Variants in TMPRSS2 observed in about 807,000 individuals in gnomAD.
TMPRSS2 encodes the protein transmembrane serine protease 2.
TMPRSS2 carries 59 observed loss-of-function variants against 67.4 expected under a neutral mutation model. That is an observed-to-expected ratio of 0.88 (90% CI 0.71 to 1.09). The LOEUF (loss-of-function observed/expected upper bound fraction) is 1.09. Among genes scored for constraint, TMPRSS2 ranks in the 50% least tolerant of loss-of-function variants. The probability of loss-of-function intolerance (pLI) is 0.00; values close to 1 mark genes in which losing one functional copy is unlikely to be tolerated. For synonymous variants in TMPRSS2, 257 were observed against 257.0 expected (o/e 1.00, Z 0.00); for missense variants, 668 against 642.7 (o/e 1.04, Z -0.43).
intron 5 of TMPRSS2, among the ~76,000 whole-genome samples, chr21:41,482,104 T>A (rs908293085): frequency 3.3e-5 from 5 of 151,992 alleles, no homozygotes; most frequent in South Asian, 2.1e-4. Flanking sequence ...TTTTTTTTTT[T>A]AAAGTGCTCT....
At chr21:41,492,262 A>G (rs1354418512) in intron 3 of TMPRSS2, among the ~76,000 whole-genome samples, 1 of 152,174 alleles carries the variant, frequency 6.6e-6, no homozygotes, top group African/African-American at 2.4e-5. Context: ...ATTTCCCTCA[A>G]TCATGACCAA....
At chr21:41,508,014 C>A in intron 1 of TMPRSS2, 67 bp downstream of exon 1, 1 of 1,353,158 alleles carries the variant, frequency 7.4e-7, no homozygotes, top group Non-Finnish European at 9.5e-7. Flanking sequence ...TCGGCGGGTC[C>A]CAGGCGCCCA....
intron 1 of TMPRSS2, among the ~76,000 whole-genome samples, chr21:41,499,187 T>C (rs1164431390): frequency 6.6e-6 from 1 of 152,188 alleles, no homozygotes; most frequent in African/African-American, 2.4e-5. Flanking sequence ...GAGCCAACCA[T>C]TTTGACCACT....
Position 41,494,598 on chromosome 21 carries a change from A to G in TMPRSS2, c.16-20T>C, listed in dbSNP as rs2091365628. 6.2e-7 allele frequency: 1 copy of G among 1,607,742 alleles called. No individual in the cohort carries two copies. Among genetic ancestry groups the G allele is most frequent in the Admixed American group, 1.7e-5 (1 of 59,630 alleles). On this transcript the variant is annotated intron_variant, in intron 2 of 13. Coordinates refer to ENST00000332149, the MANE Select transcript of TMPRSS2 (RefSeq NM_005656.4). ...TGACCCCTAAACAGTTGAAAAGAAGATGAATAATATAAAACTCTTATTTGC... is the reference window on the plus strand; with the variant it reads ...TGACCCCTAAACAGTTGAAAAGAAGGTGAATAATATAAAACTCTTATTTGC...
At position 41,467,866 on chromosome 21, in the gene TMPRSS2, C is replaced by T; in HGVS notation, c.1335G>A (p.Leu445=). ...ACCAGATATTGTTCTTCGAAGTGAC[C>T]AGAGGCCCTCCACTGTCACCCTGTG... ...DSCQGDSGGP[L]VTSKNNIWWL... The change falls in exon 13 of 14, where the codon CTG becomes CTA. Residue 445 remains leucine, a synonymous_variant. Transcript: ENST00000332149. The T allele has an allele frequency of 6.2e-7, 1 of 1,614,172 alleles. No homozygotes were observed. Among genetic ancestry groups the T allele is most frequent in the East Asian group, 2.2e-5 (1 of 44,884 alleles).
At chr21:41,475,554 GAGGT>G (rs1569014481) in intron 8 of TMPRSS2, among the ~76,000 whole-genome samples, 4 of 34,534 alleles carry the variant, frequency 1.2e-4, no homozygotes, top group African/African-American at 3.7e-4. Context: ...AGGGGGTGAG[GAGGT>G]GAGTGAGGAG....
At position 41,465,058 on chromosome 21, in the gene TMPRSS2, C is replaced by A. The variant is rs2091073822; in HGVS notation, c.*1084G>T. The A allele has an allele frequency of 4.3e-6, 1 of 233,446 alleles. No individual in the cohort carries two copies. Among genetic ancestry groups the A allele is most frequent in the Non-Finnish European group, 8.5e-6 (1 of 118,060 alleles). The allele number at this position is 233,446 out of a possible 1,614,324, so 14.5% of individuals were successfully genotyped here. On this transcript the variant is annotated 3_prime_UTR_variant, in exon 14 of 14. Coordinates refer to ENST00000332149, the MANE Select transcript of TMPRSS2 (RefSeq NM_005656.4). ...CTTCGCCGCCACCATGGGCACTTTG[C>A]TTCAGCACATTCATTTATAGAACGT...
intron 1 of TMPRSS2, among the ~76,000 whole-genome samples, chr21:41,503,124 T>A (rs1283900137): frequency 6.6e-6 from 1 of 151,678 alleles, no homozygotes; most frequent in Non-Finnish European, 1.5e-5. Context: ...CAGGAAAAAA[T>A]ATATATTTTT....
At position 41,473,420 on chromosome 21, in the gene TMPRSS2, G is replaced by A. The variant is rs1236538840; in HGVS notation, c.804C>T (p.Pro268=). The A allele has an allele frequency of 3.1e-6, 5 of 1,610,278 alleles. No homozygotes were observed. The highest frequency in any genetic ancestry group is 1.1e-5 in the South Asian group (1 of 90,562). The change falls in exon 9 of 14, where the codon CCC becomes CCT. Residue 268 remains proline (P), a synonymous_variant. Transcript: ENST00000332149. Reference sequence around the variant, plus strand: ...TCTGGACGTGCAGGCTGACCTGCCAGGGCCAGGCCCCCGGGAGCGCGCTCT... The same window carrying A: ...TCTGGACGTGCAGGCTGACCTGCCAAGGCCAGGCCCCCGGGAGCGCGCTCT... The part of the protein sequence containing the change: ...GGESALPGAW[P]WQVSLHVQNV...
rs1043991947 is a variant in TMPRSS2 at position 41,478,101 on chromosome 21, C to G, written c.683+1071G>C. On this transcript the variant is annotated intron_variant, in intron 7 of 13. Coordinates refer to ENST00000332149, the MANE Select transcript of TMPRSS2 (RefSeq NM_005656.4). The surrounding 1 kb of genome is among the most constrained non-coding windows in gnomAD (Gnocchi z 4.0). The stretch of plus-strand genomic sequence containing the variant: ...ACTCAGCATTTACAAAGTGCCCAGG[C>G]AGCTGTGTTTAGCTTCTCCACAGGG... 1.3e-5 allele frequency among the ~76,000 whole-genome samples: 2 copies of G among 152,258 alleles called. No individual in the cohort carries two copies. The highest frequency in any genetic ancestry group is 4.8e-5 in the African/African-American group (2 of 41,456).
chr21:41,484,120 A>G (rs189436980), intron 5 of TMPRSS2, among the ~76,000 whole-genome samples: 85 of 152,298 alleles, frequency 5.6e-4, no homozygotes, highest in African/African-American at 2.0e-3. Flanking sequence ...CCTTGTCTCA[A>G]AAAAACCCAA....
intron 11 of TMPRSS2, 126 bp downstream of exon 11, chr21:41,470,522 G>A (rs1028185994): frequency 2.4e-6 from 2 of 832,298 alleles, no homozygotes; most frequent in Non-Finnish European, 3.8e-6. Flanking sequence ...CAAGGACTGG[G>A]GGAATCAACC....
At chr21:41,484,708 G>A (rs1036493542) in intron 5 of TMPRSS2, among the ~76,000 whole-genome samples, 6 of 152,178 alleles carry the variant, frequency 3.9e-5, no homozygotes, top group African/African-American at 1.4e-4. Flanking sequence ...TGACCTAGCA[G>A]TTCTACTCCT....
At chr21:41,473,654 G>A (rs1281325350) in intron 8 of TMPRSS2, among the ~76,000 whole-genome samples, 158 bp from the exon 9 acceptor site, 1 of 151,956 alleles carries the variant, frequency 6.6e-6, no homozygotes, top group African/African-American at 2.4e-5. Flanking sequence ...TCTCCTCTTG[G>A]GGAAGGGAGG....
rs9983330 is a variant in TMPRSS2, at chr21:41,478,326, A to G, written c.683+846T>C. 0.25 allele frequency among the ~76,000 whole-genome samples: 37,837 copies of G among 152,022 alleles called. 5,146 individuals are homozygous for G. The highest frequency in any genetic ancestry group is 0.4 in the East Asian group (2,074 of 5,148). Reference sequence around the variant, plus strand: ...AAAGGTGGCGCGGGGTGATTAGTTCATCCTCCCCCGAAATGCAGCACCTGG... The same window carrying G: ...AAAGGTGGCGCGGGGTGATTAGTTCGTCCTCCCCCGAAATGCAGCACCTGG... On this transcript the variant is annotated intron_variant, in intron 7 of 13. Transcript: ENST00000332149. The surrounding 1 kb of genome is among the most constrained non-coding windows in gnomAD (Gnocchi z 4.0).
intron 1 of TMPRSS2, among the ~76,000 whole-genome samples, chr21:41,501,064 G>A (rs2091420594): frequency 1.3e-5 from 2 of 152,162 alleles, no homozygotes; most frequent in South Asian, 4.1e-4. Flanking sequence ...CCTCTGAAAG[G>A]AGTGAAGAAT....
intron 1 of TMPRSS2, chr21:41,506,636 C>T (rs2091459991): frequency 6.6e-6 from 1 of 152,272 alleles, no homozygotes; most frequent in South Asian, 2.1e-4. Context: ...CCCCAAGGCC[C>T]TTTGCGCTGG....
chr21:41,488,604 C>A, intron 4 of TMPRSS2, 91 bp from the exon 5 acceptor site: 1 of 1,395,774 alleles, frequency 7.2e-7, no homozygotes, highest in Non-Finnish European at 9.8e-7. Context: ...TACTGTAGCT[C>A]GCTGCAGCCT....
In TMPRSS2 at chr21:41,488,529, G is replaced by A. The variant is rs777575277; in HGVS notation, c.326-16C>T. 4 of 1,606,748 alleles carry A rather than the reference G, an allele frequency of 2.5e-6. No individual in the cohort carries two copies. The highest frequency in any genetic ancestry group is 2.6e-6 in the Non-Finnish European group (3 of 1,175,442). Reference sequence around the variant, plus strand: ...TTGCTGCCCACTTGCAGAGAAAACAGAAGAGAGGTGCCCTTCAGGCTGAGA... The same window carrying A: ...TTGCTGCCCACTTGCAGAGAAAACAAAAGAGAGGTGCCCTTCAGGCTGAGA... On this transcript the variant is annotated splice_polypyrimidine_tract_variant and intron_variant, in intron 4 of 13. Coordinates refer to ENST00000332149, the MANE Select transcript of TMPRSS2 (RefSeq NM_005656.4).
Sources: gnomAD v4.1 joint callset for allele counts (sites outside exome capture counted in the v4.1 genomes callset) on GRCh38, gnomAD v4.1.1 for gene constraint, Gnocchi (gnomAD v3.1) non-coding constraint, MANE v1.5 for transcripts, NCBI Gene and HGNC (gene_info 2026-07-23, HGNC 2026-07-21) for gene names.